The following ZBTB7C variants were observed in gnomAD, a reference collection of about 807,000 sequenced individuals.
ZBTB7C encodes zinc finger and BTB domain-containing protein 7C.
ZBTB7C carries 8 observed loss-of-function variants against 25.7 expected under a neutral mutation model. The observed-to-expected ratio is 0.31, with a 90% CI of 0.18 to 0.56. The LOEUF (loss-of-function observed/expected upper bound fraction) is 0.56, where lower values mean the gene tolerates loss of function less well. Ranked by LOEUF, ZBTB7C falls within the 20% of genes least tolerant of loss-of-function variation. The pLI is 0.91. For synonymous variants in ZBTB7C, 394 were observed against 369.0 expected, an observed-to-expected ratio of 1.07 and a Z score of -0.78; for missense variants, 824 against 855.2, an observed-to-expected ratio of 0.96 and a Z score of 0.46.
At chr18:48,180,476 G>C (rs2041885504) in intron 3 of ZBTB7C, 1 of 384,238 alleles carries the variant, frequency 2.6e-6, no homozygotes, top group South Asian at 1.9e-5. Flanking sequence ...CCTATGCCAT[G>C]CCTGGGGAGA....
intron 3 of ZBTB7C, among the ~76,000 whole-genome samples, chr18:48,048,285 G>A (rs2036552075): frequency 6.6e-6 from 1 of 152,212 alleles, no homozygotes; most frequent in African/African-American, 2.4e-5. Flanking sequence ...GTTGGGCAGA[G>A]GGGGCAGGAA....
In ZBTB7C at chr18:48,298,234, C is replaced by G. The variant is rs563940583; in HGVS notation, c.-79+39940G>C. Among the ~76,000 whole-genome samples, 11 of 149,664 alleles carry G rather than the reference C, an allele frequency of 7.3e-5. No homozygotes were observed. The East Asian group carries it at 2.2e-3, about 29-fold the overall frequency. On this transcript the variant is annotated intron_variant, in intron 2 of 4. Transcript: ENST00000590800. ...AGTGGAGGTTGCAGTGAGCCAAGAT[C>G]GAGCCACTGCACTCTAGCCTGGGCA... is the stretch of plus-strand genomic sequence containing the variant.
chr18:48,261,771 C>A (rs1015399011), intron 2 of ZBTB7C, among the ~76,000 whole-genome samples: 5 of 152,216 alleles, frequency 3.3e-5, no homozygotes, highest in African/African-American at 9.6e-5. Context: ...GTGGGCTCCC[C>A]AAATACCCCA....
chr18:48,083,892 G>C (rs2038084179), intron 3 of ZBTB7C: 2 of 985,282 alleles, frequency 2.0e-6, no homozygotes, highest in African/African-American at 3.5e-5. Context: ...AAGAGCTTCA[G>C]TGGACCCATT....
At chr18:48,376,011 G>T (rs1173614941) in intron 1 of ZBTB7C, among the ~76,000 whole-genome samples, 2 of 152,230 alleles carry the variant, frequency 1.3e-5, no homozygotes, top group African/African-American at 4.8e-5. Flanking sequence ...TGCCTGGAAG[G>T]CTTGTAAAAT....
At chr18:48,328,478 T>C (rs1481967772) in intron 2 of ZBTB7C, among the ~76,000 whole-genome samples, 1 of 152,234 alleles carries the variant, frequency 6.6e-6, no homozygotes, top group Non-Finnish European at 1.5e-5. Context: ...ATTTTTGTAA[T>C]TTGAACAAAG....
intron 1 of ZBTB7C, among the ~76,000 whole-genome samples, chr18:48,363,236 T>C (rs2047150945): frequency 6.6e-6 from 1 of 152,168 alleles, no homozygotes; most frequent in Admixed American, 6.5e-5. Context: ...CTAGAGCAGT[T>C]TGGAGAGTGT....
intron 3 of ZBTB7C, among the ~76,000 whole-genome samples, chr18:48,128,273 GCC>G (rs1266193186): frequency 5.9e-5 from 9 of 152,198 alleles, no homozygotes; most frequent in Non-Finnish European, 4.4e-5. Flanking sequence ...TCATGCACCG[GCC>G]ACACAAGTGG....
intron 2 of ZBTB7C, among the ~76,000 whole-genome samples, chr18:48,250,345 T>C (rs933804185): frequency 6.6e-6 from 1 of 152,164 alleles, no homozygotes; most frequent in African/African-American, 2.4e-5. Context: ...TTGAACAAGT[T>C]AGTTAAACTC....
intron 2 of ZBTB7C, among the ~76,000 whole-genome samples, chr18:48,305,061 G>A (rs1031556266): frequency 1.3e-5 from 2 of 152,024 alleles, no homozygotes; most frequent in African/African-American, 4.8e-5. Flanking sequence ...AGAGGACAGC[G>A]CCCCTGCTCC....
At chr18:48,228,076 T>C (rs970603663) in intron 2 of ZBTB7C, among the ~76,000 whole-genome samples, 2 of 152,058 alleles carry the variant, frequency 1.3e-5, no homozygotes, top group South Asian at 2.1e-4. Flanking sequence ...GCTTCCAGCG[T>C]CTCCCTGAAT....
Position 48,125,429 on chromosome 18 carries a change from G to A in ZBTB7C, c.-17+60505C>T, listed in dbSNP as rs532241339. On this transcript the variant is annotated intron_variant, in intron 3 of 4. Transcript: ENST00000590800. ...TGCTTACAGACATCTGTTTTTGCAC[G>A]CTTGAGCTACTGGTGGCTGGCTGCC... 5.3e-5 allele frequency among the ~76,000 whole-genome samples: 8 copies of A among 152,350 alleles called. 1 individual carries two copies. The South Asian group carries it at 8.3e-4, about 16-fold the overall frequency.
chr18:48,348,484 C>A (rs1278817709), intron 1 of ZBTB7C, among the ~76,000 whole-genome samples: 2 of 152,206 alleles, frequency 1.3e-5, no homozygotes, highest in South Asian at 2.1e-4. Flanking sequence ...GACTGCCTGA[C>A]TGTTTTGTTC....
chr18:48,246,188 C>G (rs1328462916), intron 2 of ZBTB7C, among the ~76,000 whole-genome samples: 1 of 152,028 alleles, frequency 6.6e-6, no homozygotes, highest in Non-Finnish European at 1.5e-5. Context: ...CGCGGTGGCT[C>G]ACACCTGTAA....
intron 1 of ZBTB7C, among the ~76,000 whole-genome samples, chr18:48,366,756 C>T (rs1251328636): frequency 6.6e-6 from 1 of 152,178 alleles, no homozygotes; most frequent in Non-Finnish European, 1.5e-5. Context: ...TTTCATATAT[C>T]AGGTTGGCAA....
chr18:48,376,302 T>C (rs1179648338), intron 1 of ZBTB7C, among the ~76,000 whole-genome samples: 1 of 152,224 alleles, frequency 6.6e-6, no homozygotes, highest in African/African-American at 2.4e-5. Context: ...AAAAGAGCCC[T>C]AGAGTCTGCG....
chr18:48,397,956 G>A (rs1349289387), intron 1 of ZBTB7C, among the ~76,000 whole-genome samples: 1 of 152,172 alleles, frequency 6.6e-6, no homozygotes, highest in African/African-American at 2.4e-5. Flanking sequence ...CACAAAAGCA[G>A]CAAAGCTTCT....
chr18:48,346,412 C>T (rs965135309), intron 1 of ZBTB7C: 5 of 152,310 alleles, frequency 3.3e-5, no homozygotes, highest in African/African-American at 1.2e-4. Context: ...TGCCTCAAGC[C>T]GCTTCCTGTA....
At chr18:48,119,846 T>G (rs1035094216) in intron 3 of ZBTB7C, among the ~76,000 whole-genome samples, 2 of 152,100 alleles carry the variant, frequency 1.3e-5, no homozygotes, top group African/African-American at 2.4e-5. Context: ...GAAACAGGAA[T>G]GAACTTGTAA....
Sources: allele counts gnomAD v4.1 joint callset (sites outside exome capture counted in the v4.1 genomes callset), GRCh38; gene constraint gnomAD v4.1.1; transcripts MANE v1.5; gene names NCBI Gene and HGNC (gene_info 2026-07-23, HGNC 2026-07-21).